The following SLC10A7 variants were observed in gnomAD, a reference collection of about 807,000 sequenced individuals.
SLC10A7 encodes solute carrier family 10 member 7.
SLC10A7 carries 29 observed loss-of-function variants against 43.2 expected under a neutral mutation model. The ratio of observed to expected loss-of-function variants is 0.67; its 90% CI spans 0.50 to 0.92. SLC10A7 has a LOEUF of 0.92. Among genes scored for constraint, SLC10A7 ranks in the 40% least tolerant of loss-of-function variants. The pLI is 0.00. For missense variants in SLC10A7, 295 were observed against 403.2 expected, an observed-to-expected ratio of 0.73 and a Z score of 2.30; for synonymous variants, 152 against 144.8, an observed-to-expected ratio of 1.05 and a Z score of -0.35.
intron 3 of SLC10A7, among the ~76,000 whole-genome samples, chr4:146,504,825 C>T (rs1323574099): frequency 1.3e-5 from 2 of 152,164 alleles, no homozygotes; most frequent in Non-Finnish European, 2.9e-5. Flanking sequence ...CATTCAGACT[C>T]TGTAGTAAAT....
intron 1 of SLC10A7, among the ~76,000 whole-genome samples, chr4:146,519,093 AT>A (rs869164330): frequency 0.17 from 19,918 of 113,978 alleles, 3,402 homozygotes; most frequent in East Asian, 0.51. Flanking sequence ...ATATATATAT[AT>A]ATATATATAT....
intron 7 of SLC10A7, among the ~76,000 whole-genome samples, chr4:146,297,385 A>G (rs1730856091): frequency 6.6e-6 from 1 of 152,202 alleles, no homozygotes; most frequent in Non-Finnish European, 1.5e-5. Context: ...CAATTCCTGC[A>G]TGACTTCCAA....
At position 146,306,039 on chromosome 4, in the gene SLC10A7, T is replaced by A. The variant is rs772184107; in HGVS notation, c.472-30A>T. On this transcript the variant is annotated intron_variant, in intron 6 of 11. Coordinates refer to ENST00000335472, the MANE Select transcript of SLC10A7 (RefSeq NM_001029998.6). ...AAAACAAGAAAATAGGAGTTAGAAT[T>A]ACTTCAAATCAGTTATCAAGCATTA... 4 of 1,537,816 alleles carry A rather than the reference T, an allele frequency of 2.6e-6. No individual in the cohort carries two copies. The South Asian group carries it at 4.8e-5, about 19-fold the overall frequency.
At chr4:146,368,906 C>A (rs990783071) in intron 5 of SLC10A7, among the ~76,000 whole-genome samples, 18 of 152,174 alleles carry the variant, frequency 1.2e-4, no homozygotes, top group African/African-American at 4.3e-4. Flanking sequence ...TGTTTAGGAA[C>A]TTTAAAGTTT....
chr4:146,316,987 G>A (rs549098375), intron 6 of SLC10A7, among the ~76,000 whole-genome samples: 7 of 151,922 alleles, frequency 4.6e-5, no homozygotes, highest in Admixed American at 3.3e-4. Context: ...TTTTACAGAG[G>A]TAAAAACTGA....
intron 10 of SLC10A7, among the ~76,000 whole-genome samples, chr4:146,261,696 C>CA: frequency 6.6e-6 from 1 of 152,292 alleles, no homozygotes; most frequent in South Asian, 2.1e-4. Context: ...TATGTGCCTG[C>CA]AATATCTTCT....
intron 5 of SLC10A7, among the ~76,000 whole-genome samples, chr4:146,370,457 A>C (rs1736689842): frequency 6.6e-6 from 1 of 151,980 alleles, no homozygotes; most frequent in Non-Finnish European, 1.5e-5. Flanking sequence ...TATCATGTGT[A>C]CTCTGCCATG....
At chr4:146,285,837 A>G (rs550920058) in intron 9 of SLC10A7, among the ~76,000 whole-genome samples, 16 of 152,068 alleles carry the variant, frequency 1.1e-4, no homozygotes, top group African/African-American at 3.6e-4. Context: ...GAGTGGTGAA[A>G]AGGACTGAAT....
At chr4:146,311,897 G>T (rs1457866221) in intron 6 of SLC10A7, among the ~76,000 whole-genome samples, 1 of 152,090 alleles carries the variant, frequency 6.6e-6, no homozygotes, top group African/African-American at 2.4e-5. Flanking sequence ...CCCTATACAC[G>T]ATATAGTTCA....
chr4:146,400,986 A>G (rs1406694606), intron 5 of SLC10A7, among the ~76,000 whole-genome samples: 1 of 152,176 alleles, frequency 6.6e-6, no homozygotes, highest in African/African-American at 2.4e-5. Context: ...CAAGAAAAAT[A>G]CTCCCAAAGT....
intron 3 of SLC10A7, among the ~76,000 whole-genome samples, chr4:146,509,485 T>C (rs369985285): frequency 9.2e-5 from 14 of 152,268 alleles, no homozygotes; most frequent in African/African-American, 2.7e-4. Flanking sequence ...TCAACTATTA[T>C]ATCAAACATA....
intron 4 of SLC10A7, among the ~76,000 whole-genome samples, chr4:146,480,937 A>C (rs1472323127): frequency 6.6e-6 from 1 of 152,120 alleles, no homozygotes; most frequent in Non-Finnish European, 1.5e-5. Flanking sequence ...AACAGGAAAA[A>C]CCATGGAAAG....
At chr4:146,305,466 C>G (rs1731493545) in intron 7 of SLC10A7, among the ~76,000 whole-genome samples, 1 of 149,884 alleles carries the variant, frequency 6.7e-6, no homozygotes. Flanking sequence ...GGAGATATAC[C>G]TAATGCTAGA....
intron 5 of SLC10A7, among the ~76,000 whole-genome samples, chr4:146,417,355 T>C (rs1214233101): frequency 2.6e-5 from 4 of 152,226 alleles, no homozygotes; most frequent in African/African-American, 9.6e-5. Context: ...TTGAAGGATT[T>C]TAAGCAGAAA....
intron 5 of SLC10A7, among the ~76,000 whole-genome samples, chr4:146,414,359 G>C (rs947051809): frequency 1.3e-5 from 2 of 152,048 alleles, no homozygotes; most frequent in Non-Finnish European, 1.5e-5. Context: ...CAAACATAAG[G>C]CTTTTCCACA....
intron 8 of SLC10A7, among the ~76,000 whole-genome samples, chr4:146,293,437 T>C (rs1578807432): frequency 6.6e-6 from 1 of 152,324 alleles, no homozygotes; most frequent in East Asian, 1.9e-4. Context: ...CATTTTATAG[T>C]CTGCTGCTTC....
chr4:146,334,334 A>G (rs1733735386), intron 5 of SLC10A7, among the ~76,000 whole-genome samples: 1 of 152,102 alleles, frequency 6.6e-6, no homozygotes, highest in African/African-American at 2.4e-5. Context: ...AATGTAGACT[A>G]TAGATTGAAG....
rs76406427 is a variant in SLC10A7 at position 146,299,257 on chromosome 4, T to C, written c.556-5162A>G. Among the ~76,000 whole-genome samples the C allele has an allele frequency of 2.1e-4, 32 of 152,340 alleles. No individual in the cohort carries two copies. The East Asian group carries it at 3.7e-3, about 17-fold the overall frequency. ...TGCCATGCAGGACACCTGATTCCTC[T>C]GAACTAGCACATATGTGTACGGCTA... is the stretch of plus-strand genomic sequence containing the variant. On this transcript the variant is annotated intron_variant, in intron 7 of 11. Transcript: ENST00000335472.
At chr4:146,495,858 A>C (rs921275267) in intron 4 of SLC10A7, among the ~76,000 whole-genome samples, 1 of 152,062 alleles carries the variant, frequency 6.6e-6, no homozygotes, top group African/African-American at 2.4e-5. Flanking sequence ...CCAAATCAAA[A>C]TGTTTCTTTA....
Sources: allele counts gnomAD v4.1 joint callset (sites outside exome capture counted in the v4.1 genomes callset), GRCh38; gene constraint gnomAD v4.1.1; transcripts MANE v1.5; gene names NCBI Gene and HGNC (gene_info 2026-07-23, HGNC 2026-07-21).